The following ARHGAP29 variants were observed in gnomAD, a reference collection of about 807,000 sequenced individuals.
ARHGAP29 encodes the protein Rho GTPase activating protein 29.
ARHGAP29 carries 43 observed loss-of-function variants against 122.6 expected under a neutral mutation model. That is an observed-to-expected ratio of 0.35 (90% CI 0.27 to 0.45). The LOEUF (loss-of-function observed/expected upper bound fraction) is 0.45. Ranked by LOEUF, ARHGAP29 falls within the 20% of genes least tolerant of loss-of-function variation. The pLI is 1.00. For missense variants in ARHGAP29, 1,303 were observed against 1,477.2 expected (o/e 0.88, Z 1.93); for synonymous variants, 506 against 497.1 (o/e 1.02, Z -0.24).
intron 1 of ARHGAP29, among the ~76,000 whole-genome samples, chr1:94,247,703 ACAC>A (rs568949677): frequency 2.2e-4 from 33 of 151,028 alleles, no homozygotes; most frequent in Middle Eastern, 3.4e-3. Flanking sequence ...GCAGCCACAG[ACAC>A]CACCACCACC....
At chr1:94,208,972 C>T in intron 4 of ARHGAP29, 68 bp from the exon 5 acceptor site, 1 of 1,378,292 alleles carries the variant, frequency 7.3e-7, no homozygotes, top group Non-Finnish European at 1.0e-6. Context: ...TTACATTCAA[C>T]ATGTTATCTA....
chr1:94,184,078 T>C, intron 19 of ARHGAP29, 73 bp downstream of exon 19: 2 of 1,514,240 alleles, frequency 1.3e-6, no homozygotes, highest in Admixed American at 1.9e-5. Flanking sequence ...GTAGCAAATG[T>C]TATCAGCAAA....
intron 1 of ARHGAP29, among the ~76,000 whole-genome samples, chr1:94,249,943 TCTGGA>T (rs1292626147): frequency 6.6e-6 from 1 of 152,078 alleles, no homozygotes; most frequent in Non-Finnish European, 1.5e-5. Flanking sequence ...CTAAGAATTT[TCTGGA>T]GGGATGTTGA....
the ARHGAP29 span, among the ~76,000 whole-genome samples, chr1:94,312,892 C>T: frequency 6.6e-6 from 1 of 152,176 alleles, no homozygotes; most frequent in Admixed American, 6.5e-5. Context: ...GGGCTCCAGC[C>T]TCAGACCTCA....
chr1:94,303,884 C>T, the ARHGAP29 span, among the ~76,000 whole-genome samples: 3 of 152,190 alleles, frequency 2.0e-5, no homozygotes, highest in African/African-American at 7.2e-5. Flanking sequence ...ACTCTTCTTG[C>T]CAGCTACCGC....
intron 1 of ARHGAP29, among the ~76,000 whole-genome samples, chr1:94,255,961 T>C (rs565602711): frequency 6.6e-6 from 1 of 152,352 alleles, no homozygotes; most frequent in African/African-American, 2.4e-5. Flanking sequence ...CTATTCTTTT[T>C]TGGTTCTATA....
At chr1:94,232,541 T>C (rs1172809958) in intron 1 of ARHGAP29, among the ~76,000 whole-genome samples, 1 of 152,186 alleles carries the variant, frequency 6.6e-6, no homozygotes, top group African/African-American at 2.4e-5. Context: ...AGGTAATCTT[T>C]TGGTATGAGA....
intron 14 of ARHGAP29, 88 bp downstream of exon 14, chr1:94,189,128 A>C: frequency 6.7e-7 from 1 of 1,490,246 alleles, no homozygotes; most frequent in Non-Finnish European, 9.0e-7. Flanking sequence ...CCTGATTTTT[A>C]AATTCCAGAG....
the ARHGAP29 span, among the ~76,000 whole-genome samples, chr1:94,310,831 C>T: frequency 6.6e-6 from 1 of 152,108 alleles, no homozygotes; most frequent in African/African-American, 2.4e-5. Context: ...GACAGGGCAG[C>T]CATCTAGGGT....
Position 94,179,902 on chromosome 1 carries a change from T to C in ARHGAP29, c.2303A>G (p.Lys768Arg). The C allele has an allele frequency of 6.2e-7, 1 of 1,612,946 alleles. No homozygotes were observed. The highest frequency in any genetic ancestry group is 8.5e-7 in the Non-Finnish European group (1 of 1,179,636). Residue 768 changes from lysine to arginine, a missense_variant, in exon 20 of 23, where the codon AAA becomes AGA. By Grantham distance (26) the Lys-to-Arg change is conservative (BLOSUM62 2). Around this residue, in one of 3 missense-constraint regions of ARHGAP29, gnomAD observed 620 missense variants for 651.2 expected, o/e 0.95. Transcript: ENST00000260526. ...TTCTTCATTTACATGTTGGATCTCT[T>C]TTGCAAGGTCTATAAATTCCTTGTA... ...RLYKEFIDLA[K>R]EIQHVNEEQE...
chr1:94,269,277 T>C (rs1367258498), intron 1 of ARHGAP29, among the ~76,000 whole-genome samples: 2 of 152,208 alleles, frequency 1.3e-5, no homozygotes, highest in African/African-American at 4.8e-5. Flanking sequence ...GTTCTGCTTA[T>C]AGACGACGAA....
At chr1:94,209,140 G>T in intron 4 of ARHGAP29, 114 bp downstream of exon 4, 1 of 888,788 alleles carries the variant, frequency 1.1e-6, no homozygotes, top group Non-Finnish European at 1.8e-6. Context: ...TTCCGAAGTT[G>T]TGATATTTAA....
chr1:94,290,284 T>A, the ARHGAP29 span, among the ~76,000 whole-genome samples: 1 of 152,222 alleles, frequency 6.6e-6, no homozygotes, highest in African/African-American at 2.4e-5. Flanking sequence ...CCTTTATCAT[T>A]TTTTATTGCG....
the ARHGAP29 span, among the ~76,000 whole-genome samples, chr1:94,314,563 C>G: frequency 6.6e-6 from 1 of 152,216 alleles, no homozygotes; most frequent in Non-Finnish European, 1.5e-5. Context: ...CACCCATTCT[C>G]TGACCACCAC....
chr1:94,293,141 G>C, the ARHGAP29 span, among the ~76,000 whole-genome samples: 1 of 152,074 alleles, frequency 6.6e-6, no homozygotes, highest in South Asian at 2.1e-4. Flanking sequence ...CTGCCGCTTT[G>C]TTTACACTGT....
chr1:94,182,464 T>C (rs1222973737), intron 19 of ARHGAP29, among the ~76,000 whole-genome samples: 4 of 152,040 alleles, frequency 2.6e-5, no homozygotes, highest in Admixed American at 6.6e-5. Context: ...TGGAGTGCCC[T>C]GAATAGTGGA....
At chr1:94,295,942 C>A in the ARHGAP29 span, among the ~76,000 whole-genome samples, 1 of 152,094 alleles carries the variant, frequency 6.6e-6, no homozygotes, top group Non-Finnish European at 1.5e-5. Flanking sequence ...ATTACCAGAA[C>A]CTGGAAGAAG....
At chr1:94,188,595 T>G (rs11800310) in intron 15 of ARHGAP29, among the ~76,000 whole-genome samples, 3 of 152,078 alleles carry the variant, frequency 2.0e-5, no homozygotes, top group African/African-American at 7.2e-5. Context: ...TTTATTCTGG[T>G]GGGAGATAGG....
intron 12 of ARHGAP29, among the ~76,000 whole-genome samples, chr1:94,200,187 T>C (rs576257659): frequency 6.6e-6 from 1 of 152,064 alleles, no homozygotes; most frequent in Admixed American, 6.5e-5. Flanking sequence ...GCTAAAAGAA[T>C]AAAAAGAGAA....
Sources: gnomAD v4.1 joint callset for allele counts (sites outside exome capture counted in the v4.1 genomes callset) on GRCh38, gnomAD v4.1.1 for gene constraint, gnomAD v4.1.1 regional missense constraint, MANE v1.5 for transcripts, NCBI Gene and HGNC (gene_info 2026-07-23, HGNC 2026-07-21) for gene names.